ERC2: variants seen among roughly 807,000 people sequenced by gnomAD.
ERC2 encodes the protein ELKS/RAB6-interacting/CAST family member 2, also known as ERC protein 2.
ERC2 carries 42 observed loss-of-function variants against 114.8 expected under a neutral mutation model. The ratio of observed to expected loss-of-function variants is 0.37; its 90% CI spans 0.29 to 0.47. The LOEUF is 0.47. Among genes scored for constraint, ERC2 ranks in the 20% least tolerant of loss-of-function variants. The pLI is 0.99. For missense variants in ERC2, 939 were observed against 1,150.7 expected, an observed-to-expected ratio of 0.82 and a Z score of 2.66; for synonymous variants, 454 against 425.5, an observed-to-expected ratio of 1.07 and a Z score of -0.82.
intron 17 of ERC2, among the ~76,000 whole-genome samples, chr3:55,640,745 C>T (rs1023602117): frequency 6.6e-6 from 1 of 152,192 alleles, no homozygotes; most frequent in Non-Finnish European, 1.5e-5. Context: ...TCAGCTACCC[C>T]TCTAGCCCTT....
At chr3:55,989,290 T>C (rs943322333) in intron 11 of ERC2, among the ~76,000 whole-genome samples, 1 of 152,256 alleles carries the variant, frequency 6.6e-6, no homozygotes, top group Non-Finnish European at 1.5e-5. Flanking sequence ...AATAAAAATC[T>C]GAATATTCTT....
At chr3:55,552,567 G>A (rs937900490) in intron 17 of ERC2, among the ~76,000 whole-genome samples, 2 of 150,378 alleles carry the variant, frequency 1.3e-5, no homozygotes, top group Non-Finnish European at 2.9e-5. Flanking sequence ...ATGTGAAAAA[G>A]TTCATTATAT....
intron 3 of ERC2, among the ~76,000 whole-genome samples, chr3:56,182,437 G>A (rs1025473769): frequency 2.0e-5 from 3 of 152,158 alleles, no homozygotes; most frequent in East Asian, 1.9e-4. Context: ...CAGTACTTTC[G>A]ACCAAAAGGA....
chr3:55,598,154 T>A (rs1289206771), intron 17 of ERC2, among the ~76,000 whole-genome samples: 1 of 152,244 alleles, frequency 6.6e-6, no homozygotes. Context: ...GCAAATTCAG[T>A]GTTTCTGTTA....
rs554461843 is a variant in ERC2, at chr3:56,383,015, CTTAA to C, written c.657+51332_657+51335del. Among the ~76,000 whole-genome samples the C allele has an allele frequency of 1.9e-3, 284 of 152,202 alleles. 1 individual carries two copies. Among genetic ancestry groups the C allele is most frequent in the African/African-American group, 6.4e-3 (264 of 41,560 alleles). ...CCAGGCCCCACACCTTAAAATCATT[CTTAA>C]TTATGTTTTTTTTCCCATCCCACAA... On this transcript the variant is annotated intron_variant, in intron 2 of 17. Transcript: ENST00000288221.
intron 17 of ERC2, among the ~76,000 whole-genome samples, chr3:55,534,275 T>C (rs2053850491): frequency 6.6e-6 from 1 of 151,770 alleles, no homozygotes; most frequent in African/African-American, 2.4e-5. Context: ...AAAAATAAAT[T>C]AGCCTTAGCC....
chr3:56,235,869 A>C (rs962865641), intron 3 of ERC2, among the ~76,000 whole-genome samples: 2 of 152,208 alleles, frequency 1.3e-5, no homozygotes, highest in Non-Finnish European at 2.9e-5. Flanking sequence ...CATCACAGAA[A>C]GTTCTGCTGT....
At chr3:56,127,695 C>A (rs1317458911) in intron 6 of ERC2, among the ~76,000 whole-genome samples, 1 of 151,420 alleles carries the variant, frequency 6.6e-6, no homozygotes, top group Admixed American at 6.6e-5. Flanking sequence ...TGCACTCCAG[C>A]CTGAATGATA....
At chr3:55,539,843 T>G (rs2054275887) in intron 17 of ERC2, among the ~76,000 whole-genome samples, 1 of 152,180 alleles carries the variant, frequency 6.6e-6, no homozygotes, top group Non-Finnish European at 1.5e-5. Flanking sequence ...AAAAGAATAC[T>G]TATTTCAGTA....
At chr3:55,898,060 C>T (rs912471103) in intron 13 of ERC2, among the ~76,000 whole-genome samples, 2 of 152,100 alleles carry the variant, frequency 1.3e-5, no homozygotes, top group African/African-American at 2.4e-5. Context: ...TCTTCTCAGG[C>T]CTATTAACAA....
intron 2 of ERC2, among the ~76,000 whole-genome samples, chr3:56,335,214 C>T (rs2057795104): frequency 6.6e-6 from 1 of 152,190 alleles, no homozygotes; most frequent in Admixed American, 6.5e-5. Flanking sequence ...TTCTCAAAGG[C>T]TGGTGGATAT....
At chr3:55,983,049 A>C (rs2070288173) in intron 12 of ERC2, among the ~76,000 whole-genome samples, 1 of 152,164 alleles carries the variant, frequency 6.6e-6, no homozygotes, top group Non-Finnish European at 1.5e-5. Context: ...CCCTTCATCA[A>C]ACAGGTGATG....
At position 56,139,619 on chromosome 3, in the gene ERC2, T is replaced by C; in HGVS notation, c.1363A>G (p.Thr455Ala). The change falls in exon 6 of 18, where the codon ACA (threonine) becomes GCA (alanine). Residue 455 changes from threonine to alanine, a missense_variant. Physicochemically the swap from Thr to Ala is moderately conservative, Grantham distance 58 (BLOSUM62 0). Coordinates refer to ENST00000288221, the MANE Select transcript of ERC2 (RefSeq NM_015576.3). ...TGATTGCTGAGGGTTTCAAGCTTTG[T>C]TTGTAAGGCAAGAAGTTCCGACTCT... is the stretch of plus-strand genomic sequence containing the variant. ...KKESELLALQ[T>A]KLETLSNQNS... The C allele has an allele frequency of 6.2e-7, 1 of 1,612,530 alleles. No individual in the cohort carries two copies. The highest frequency in any genetic ancestry group is 2.2e-5 in the East Asian group (1 of 44,826).
chr3:56,395,979 T>A (rs1363848447), intron 2 of ERC2, among the ~76,000 whole-genome samples: 3 of 152,178 alleles, frequency 2.0e-5, no homozygotes, highest in African/African-American at 7.2e-5. Flanking sequence ...CTAAAAAGCT[T>A]GCAAAAAATT....
intron 17 of ERC2, among the ~76,000 whole-genome samples, chr3:55,610,060 C>CAAAAAAAA (rs1172154104): frequency 5.6e-4 from 28 of 50,424 alleles, no homozygotes; most frequent in East Asian, 1.3e-3. Context: ...CAAACAAACA[C>CAAAAAAAA]AAACAAAAAA....
At chr3:55,785,266 G>A (rs922813760) in intron 14 of ERC2, among the ~76,000 whole-genome samples, 16 of 152,120 alleles carry the variant, frequency 1.1e-4, no homozygotes, top group Admixed American at 2.6e-4. Context: ...GTGTTGAGAC[G>A]GCAAATATGG....
chr3:55,784,953 A>G (rs1253309843), intron 14 of ERC2, among the ~76,000 whole-genome samples: 4 of 152,210 alleles, frequency 2.6e-5, no homozygotes, highest in Non-Finnish European at 1.5e-5. Context: ...TAAGGAGAGC[A>G]GAGGAGATAA....
chr3:56,203,880 G>C (rs1312995586), intron 3 of ERC2, among the ~76,000 whole-genome samples: 1 of 152,160 alleles, frequency 6.6e-6, no homozygotes, highest in African/African-American at 2.4e-5. Flanking sequence ...GTCTTACATT[G>C]CTTTAGGAAA....
At chr3:56,347,705 C>G (rs1475328757) in intron 2 of ERC2, among the ~76,000 whole-genome samples, 1 of 152,108 alleles carries the variant, frequency 6.6e-6, no homozygotes, top group Non-Finnish European at 1.5e-5. Flanking sequence ...CTCTTGAGCT[C>G]AGAGGCCCTA....
Sources: allele counts gnomAD v4.1 joint callset (sites outside exome capture counted in the v4.1 genomes callset), GRCh38; gene constraint gnomAD v4.1.1; transcripts MANE v1.5; gene names NCBI Gene and HGNC (gene_info 2026-07-23, HGNC 2026-07-21).